Variants in CCDC18 observed in about 807,000 individuals in gnomAD.
CCDC18 encodes coiled-coil domain containing 18, also known as coiled-coil domain-containing protein 18.
A neutral mutation model predicts 196.0 loss-of-function variants in CCDC18; 157 were observed. The observed-to-expected ratio is 0.80, with a 90% CI of 0.70 to 0.91. The LOEUF (loss-of-function observed/expected upper bound fraction) is 0.91. Ranked by LOEUF, CCDC18 falls within the 40% of genes least tolerant of loss-of-function variation. The pLI, the probability that CCDC18 is intolerant of heterozygous loss-of-function variation, is 0.00. For missense variants in CCDC18, 1,465 were observed against 1,611.6 expected (o/e 0.91, Z 1.56); for synonymous variants, 482 against 529.2 (o/e 0.91, Z 1.22).
At chr1:93,209,691 T>A (rs115808751) in intron 9 of CCDC18, among the ~76,000 whole-genome samples, 1 of 152,388 alleles carries the variant, frequency 6.6e-6, no homozygotes, top group Non-Finnish European at 1.5e-5. Context: ...TTTAATGTAC[T>A]GTTTGCTTTT....
Position 93,221,591 on chromosome 1 carries a change from TTC to T in CCDC18, c.1963-16_1963-15del. The T allele has an allele frequency of 6.9e-7, 1 of 1,451,680 alleles. No individual in the cohort carries two copies. Among genetic ancestry groups the T allele is most frequent in the Non-Finnish European group, 9.1e-7 (1 of 1,095,022 alleles). 89.9% of individuals were successfully genotyped at this position (1,451,680 alleles called of 1,614,324 possible). On this transcript the variant is annotated splice_polypyrimidine_tract_variant and intron_variant, in intron 14 of 28. Coordinates refer to ENST00000690025, the MANE Select transcript of CCDC18 (RefSeq NM_001378204.1). ...AATTTTAAAATATTTAATATGAAAA[TTC>T]TGTTTTCATGTTTAGCTTGAAGCTC...
chr1:93,184,385 T>G (rs1435673731), intron 3 of CCDC18, among the ~76,000 whole-genome samples: 4 of 151,948 alleles, frequency 2.6e-5, no homozygotes, highest in African/African-American at 4.8e-5. Flanking sequence ...TAAACTTACA[T>G]ATTTATTACC....
Position 93,219,135 on chromosome 1 carries a change from C to T in CCDC18, c.1962+1266C>T, listed in dbSNP as rs1391954533. ...TGCAACACATTGCAGTCAGTTGGAA[C>T]ATGTTTTCTGTTAATGCCTTCCACC... On this transcript the variant is annotated intron_variant, in intron 14 of 28. Coordinates refer to ENST00000690025, the MANE Select transcript of CCDC18 (RefSeq NM_001378204.1). Among the ~76,000 whole-genome samples the T allele has an allele frequency of 9.9e-5, 15 of 152,168 alleles. No individual in the cohort carries two copies. The South Asian group carries it at 2.9e-3, about 29-fold the overall frequency.
intron 21 of CCDC18, among the ~76,000 whole-genome samples, chr1:93,244,555 G>A (rs943692237): frequency 7.2e-5 from 11 of 152,142 alleles, no homozygotes; most frequent in African/African-American, 2.4e-4. Context: ...AGGGACTAGG[G>A]GAAGGGAAAA....
At chr1:93,278,423 A>G in intron 28 of CCDC18, 40 bp from the exon 29 acceptor site, 1 of 853,660 alleles carries the variant, frequency 1.2e-6, no homozygotes, top group South Asian at 2.3e-5. Flanking sequence ...TCAGTTTAGG[A>G]ATATTTCAAA....
intron 6 of CCDC18, among the ~76,000 whole-genome samples, chr1:93,200,992 CT>C (rs1218712134): frequency 6.6e-6 from 1 of 152,112 alleles, no homozygotes; most frequent in East Asian, 1.9e-4. Context: ...CTTTGTTGTC[CT>C]TACTTTCCTT....
At position 93,273,107 on chromosome 1, in the gene CCDC18, T is replaced by C. The variant is rs374559756; in HGVS notation, c.4353+2293T>C. Among the ~76,000 whole-genome samples, 685 of 152,118 alleles carry C rather than the reference T, an allele frequency of 4.5e-3. 8 individuals carry two copies. The highest frequency in any genetic ancestry group is 0.015 in the African/African-American group (638 of 41,486). On this transcript the variant is annotated intron_variant, in intron 28 of 28. Transcript: ENST00000690025. ...TTTTTGAGACGGAGTCTGGCTGTGT[T>C]GCCCAGGCTGGAGTGCAGTGGCGCA...
chr1:93,190,963 A>C, intron 4 of CCDC18: 3 of 957,814 alleles, frequency 3.1e-6, no homozygotes, highest in Non-Finnish European at 5.0e-6. Context: ...CTGGGCATAC[A>C]GAGAATCCTT....
In CCDC18 at chr1:93,180,855, G is replaced by T. The variant is rs1649477481; in HGVS notation, c.-3+3G>T. ...AGTGCGAAGCGCGCAGTCGCCGGGT[G>T]GGTCTCTCCCCAGCGACGATTTGGG... is the stretch of plus-strand genomic sequence containing the variant. On this transcript the variant is annotated splice_donor_region_variant and intron_variant, in intron 1 of 28. Transcript: ENST00000690025. 3 of 1,366,088 alleles carry T rather than the reference G, an allele frequency of 2.2e-6. No individual in the cohort carries two copies. The highest frequency in any genetic ancestry group is 2.9e-6 in the Non-Finnish European group (3 of 1,021,992). The allele number at this position is 1,366,088 out of a possible 1,614,324, so 84.6% of individuals were successfully genotyped here.
At chr1:93,276,582 A>G (rs960132259) in intron 28 of CCDC18, among the ~76,000 whole-genome samples, 11 of 152,216 alleles carry the variant, frequency 7.2e-5, no homozygotes, top group African/African-American at 2.7e-4. Flanking sequence ...AATTAGCTAT[A>G]GGGAAAACAA....
intron 27 of CCDC18, among the ~76,000 whole-genome samples, chr1:93,267,102 A>C (rs2101430605): frequency 1.3e-5 from 2 of 152,296 alleles, no homozygotes; most frequent in Middle Eastern, 3.4e-3. Context: ...CACCACAATT[A>C]AGTTGGCTTC....
Position 93,207,174 on chromosome 1 carries a change from G to A in CCDC18, c.985G>A (p.Val329Ile). 6.2e-7 allele frequency: 1 copy of A among 1,607,848 alleles called. No homozygotes were observed. The highest frequency in any genetic ancestry group is 2.2e-5 in the East Asian group (1 of 44,782). Residue 329 changes from valine (V) to isoleucine (I), a missense_variant, in exon 9 of 29, where the codon GTC becomes ATC. Physicochemically the swap from Val to Ile is conservative, Grantham distance 29. Coordinates refer to ENST00000690025, the MANE Select transcript of CCDC18 (RefSeq NM_001378204.1). Reference sequence around the variant, plus strand: ...GATCATGGCAGTGAAAAATTCAGAAGTCATGGCACAACTAACTGAATCTAG... The same window carrying A: ...GATCATGGCAGTGAAAAATTCAGAAATCATGGCACAACTAACTGAATCTAG... Reference protein sequence around the residue: ...LRIMAVKNSEVMAQLTESRQS... With the variant: ...LRIMAVKNSEIMAQLTESRQS...
At chr1:93,260,808 C>T (rs897029795) in intron 26 of CCDC18, among the ~76,000 whole-genome samples, 1 of 152,006 alleles carries the variant, frequency 6.6e-6, no homozygotes, top group Non-Finnish European at 1.5e-5. Flanking sequence ...GTGATGTTCC[C>T]CTCCCTAGGT....
At chr1:93,242,964 G>A (rs7527424) in intron 21 of CCDC18, among the ~76,000 whole-genome samples, 3,930 of 152,278 alleles carry the variant, frequency 0.026, 139 homozygotes, top group African/African-American at 0.081. Flanking sequence ...TGCTTCCACC[G>A]GCTGGCATTG....
At position 93,207,275 on chromosome 1, in the gene CCDC18, T is replaced by A. The variant is rs756699131; in HGVS notation, c.1086T>A (p.Asn362Lys). ...TTAGAGACAAATTTTCTTTAATGAA[T>A]GAAAACCGAGAATTAAAGGTCCGTG... ...EILRDKFSLMNENRELKVRVA... is the reference protein window; with the variant it reads ...EILRDKFSLMKENRELKVRVA... The change falls in exon 9 of 29, where the codon AAT (asparagine) becomes AAA (lysine). Residue 362 changes from asparagine (N) to lysine (K), a missense_variant. By Grantham distance (94) the Asn-to-Lys change is moderately conservative (BLOSUM62 0). Coordinates refer to ENST00000690025, the MANE Select transcript of CCDC18 (RefSeq NM_001378204.1). The A allele has an allele frequency of 6.2e-7, 1 of 1,613,548 alleles. No homozygotes were observed. The highest frequency in any genetic ancestry group is 1.7e-5 in the Admixed American group (1 of 59,994).
intron 28 of CCDC18, among the ~76,000 whole-genome samples, chr1:93,271,801 A>G (rs149900528): frequency 0.018 from 2,780 of 152,332 alleles, 43 homozygotes; most frequent in Middle Eastern, 0.061. Flanking sequence ...AACTCTTTGT[A>G]TAATAAACAA....
chr1:93,202,915 C>G (rs1654081688), intron 7 of CCDC18, among the ~76,000 whole-genome samples: 1 of 152,108 alleles, frequency 6.6e-6, no homozygotes, highest in African/African-American at 2.4e-5. Flanking sequence ...TTAATAAACT[C>G]TGGTGGGCCC....
chr1:93,200,352 G>A lies in CCDC18; in HGVS notation c.699-1540G>A, dbSNP rs531229196. Among the ~76,000 whole-genome samples the A allele has an allele frequency of 8.4e-4, 120 of 142,438 alleles. 1 individual carries two copies. The highest frequency in any genetic ancestry group is 2.2e-3 in the African/African-American group (87 of 39,256). The allele number at this position is 142,438 out of a possible 152,430, so 93.4% of individuals were successfully genotyped here. ...GATTATTTAAAAAAAAAAAAAAAGC[G>A]AGAACAGGCTGGACACAGTGACTCA... On this transcript the variant is annotated intron_variant, in intron 6 of 28. Transcript: ENST00000690025.
chr1:93,227,834 C>T (rs1036647702), intron 17 of CCDC18, among the ~76,000 whole-genome samples: 4 of 151,028 alleles, frequency 2.6e-5, no homozygotes, highest in Non-Finnish European at 3.0e-5. Context: ...GGTGCATACC[C>T]GTGGTCCCAG....
Sources: allele counts gnomAD v4.1 joint callset (sites outside exome capture counted in the v4.1 genomes callset), GRCh38; gene constraint gnomAD v4.1.1; transcripts MANE v1.5; gene names NCBI Gene and HGNC (gene_info 2026-07-23, HGNC 2026-07-21).